CNTNAP2: variants seen among roughly 807,000 people sequenced by gnomAD.
The protein encoded by CNTNAP2 is contactin associated protein 2, also known as contactin-associated protein-like 2.
CNTNAP2 carries 98 observed loss-of-function variants against 155.2 expected under a neutral mutation model. The observed-to-expected ratio is 0.63, with a 90% CI of 0.54 to 0.75. The LOEUF (loss-of-function observed/expected upper bound fraction) is 0.75. Ranked by LOEUF, CNTNAP2 falls within the 30% of genes least tolerant of loss-of-function variation. The probability of loss-of-function intolerance (pLI) is 0.00; values close to 1 mark genes in which losing one functional copy is unlikely to be tolerated. For synonymous variants in CNTNAP2, 651 were observed against 631.2 expected, an observed-to-expected ratio of 1.03 and a Z score of -0.47; for missense variants, 1,727 against 1,688.1, an observed-to-expected ratio of 1.02 and a Z score of -0.40.
intron 3 of CNTNAP2, among the ~76,000 whole-genome samples, chr7:146,885,379 A>G (rs1245474276): frequency 6.6e-6 from 1 of 152,126 alleles, no homozygotes; most frequent in Non-Finnish European, 1.5e-5. Flanking sequence ...TCTAATGTAA[A>G]TAATAATATA....
chr7:147,406,413 C>A (rs1471207399), intron 10 of CNTNAP2, among the ~76,000 whole-genome samples: 1 of 151,998 alleles, frequency 6.6e-6, no homozygotes, highest in Non-Finnish European at 1.5e-5. Flanking sequence ...ATAGATTTTT[C>A]TATGCCAAGA....
chr7:146,397,342 G>T (rs769970217), intron 1 of CNTNAP2, among the ~76,000 whole-genome samples: 3 of 152,100 alleles, frequency 2.0e-5, no homozygotes, highest in East Asian at 3.8e-4. Context: ...AATGATCCTT[G>T]GTCATTTCAC....
intron 1 of CNTNAP2, among the ~76,000 whole-genome samples, chr7:146,739,424 C>A (rs12113097): frequency 0.036 from 5,429 of 152,030 alleles, 339 homozygotes; most frequent in African/African-American, 0.12. Flanking sequence ...TGTTCAGAAG[C>A]ACGTTCTTTA....
intron 15 of CNTNAP2, among the ~76,000 whole-genome samples, chr7:148,104,296 T>A (rs1459574375): frequency 1.3e-5 from 2 of 152,214 alleles, no homozygotes; most frequent in Non-Finnish European, 2.9e-5. Context: ...AACGTAATCG[T>A]ATGGATCATA....
At chr7:146,848,021 A>G (rs1361467682) in intron 3 of CNTNAP2, among the ~76,000 whole-genome samples, 1 of 152,214 alleles carries the variant, frequency 6.6e-6, no homozygotes, top group East Asian at 1.9e-4. Flanking sequence ...GGATAAGAAG[A>G]CTTGAAAATA....
intron 1 of CNTNAP2, among the ~76,000 whole-genome samples, chr7:146,692,499 A>G (rs1199656532): frequency 6.6e-6 from 1 of 152,182 alleles, no homozygotes; most frequent in Non-Finnish European, 1.5e-5. Context: ...AGAAATGTTT[A>G]ATTGCAAGTG....
intron 8 of CNTNAP2, among the ~76,000 whole-genome samples, chr7:147,222,673 G>T (rs1384010417): frequency 6.6e-6 from 1 of 152,096 alleles, no homozygotes; most frequent in Non-Finnish European, 1.5e-5. Flanking sequence ...GGGCAAAAGG[G>T]AGCACTTTAA....
chr7:146,385,205 A>C (rs555248263), intron 1 of CNTNAP2, among the ~76,000 whole-genome samples: 20 of 152,186 alleles, frequency 1.3e-4, no homozygotes, highest in African/African-American at 4.8e-4. Context: ...TACTGATATA[A>C]ATTATTCATA....
At position 147,611,408 on chromosome 7, in the gene CNTNAP2, A is replaced by G. The variant is rs75632817; in HGVS notation, c.1898-27698A>G. ...AAGGAAAGGGAAGATTAGCTTGTCT[A>G]AGTATCGATGTAAATGTAGTCAGTA... On this transcript the variant is annotated intron_variant, in intron 12 of 23. Transcript: ENST00000361727. Among the ~76,000 whole-genome samples, 118 of 152,324 alleles carry G rather than the reference A, an allele frequency of 7.7e-4. 2 individuals are homozygous for G. In the East Asian group the frequency reaches 0.022, roughly 29 times the overall value.
At chr7:146,639,877 A>C (rs1484130739) in intron 1 of CNTNAP2, among the ~76,000 whole-genome samples, 7 of 152,234 alleles carry the variant, frequency 4.6e-5, no homozygotes, top group Non-Finnish European at 1.0e-4. Context: ...GAGTCCGAAG[A>C]AGAGGGAAGG....
At chr7:147,577,262 T>C (rs553379149) in intron 12 of CNTNAP2, among the ~76,000 whole-genome samples, 1 of 152,140 alleles carries the variant, frequency 6.6e-6, no homozygotes, top group Admixed American at 6.6e-5. Flanking sequence ...TAAGCATTAG[T>C]TTTCTTTACA....
chr7:148,220,530 G>A (rs181219528), intron 19 of CNTNAP2, among the ~76,000 whole-genome samples: 1 of 151,922 alleles, frequency 6.6e-6, no homozygotes, highest in East Asian at 1.9e-4. Flanking sequence ...TTTATGAATC[G>A]TGATTAATGA....
chr7:147,992,659 T>C (rs1402597141), intron 15 of CNTNAP2, among the ~76,000 whole-genome samples: 1 of 152,200 alleles, frequency 6.6e-6, no homozygotes, highest in Non-Finnish European at 1.5e-5. Context: ...GTGGTGGGAA[T>C]ATTAGTTGCT....
chr7:147,180,605 A>G (rs1428714123), intron 8 of CNTNAP2, among the ~76,000 whole-genome samples: 3 of 152,170 alleles, frequency 2.0e-5, no homozygotes, highest in South Asian at 4.1e-4. Context: ...TAAACTAGAA[A>G]TAGAGCTTTA....
chr7:147,022,513 C>T (rs987130792), intron 3 of CNTNAP2, among the ~76,000 whole-genome samples: 2 of 151,350 alleles, frequency 1.3e-5, no homozygotes. Flanking sequence ...TATATGTACT[C>T]TATATACACA....
chr7:147,679,347 A>G (rs1379045567), intron 13 of CNTNAP2, among the ~76,000 whole-genome samples: 1 of 151,970 alleles, frequency 6.6e-6, no homozygotes, highest in Non-Finnish European at 1.5e-5. Flanking sequence ...TCATCTAAAT[A>G]ACACTTGTAT....
intron 1 of CNTNAP2, among the ~76,000 whole-genome samples, chr7:146,433,071 G>T (rs1158742497): frequency 1.3e-5 from 2 of 152,116 alleles, no homozygotes; most frequent in Non-Finnish European, 2.9e-5. Context: ...GAAGTGTCTC[G>T]CATTTCCAAA....
At chr7:147,627,885 G>A (rs1179161082) in intron 12 of CNTNAP2, among the ~76,000 whole-genome samples, 1 of 150,798 alleles carries the variant, frequency 6.6e-6, no homozygotes, top group Non-Finnish European at 1.5e-5. Context: ...AAAGAATTTT[G>A]GAGCTCAAAG....
At chr7:147,626,213 G>T (rs577705336) in intron 12 of CNTNAP2, among the ~76,000 whole-genome samples, 1 of 152,026 alleles carries the variant, frequency 6.6e-6, no homozygotes, top group Non-Finnish European at 1.5e-5. Flanking sequence ...CACAGGAGCC[G>T]CAGCCAATGG....
Sources: allele counts gnomAD v4.1 joint callset (sites outside exome capture counted in the v4.1 genomes callset), GRCh38; gene constraint gnomAD v4.1.1; transcripts MANE v1.5; gene names NCBI Gene and HGNC (gene_info 2026-07-23, HGNC 2026-07-21).